The following TELO2 variants were observed in gnomAD, a reference collection of about 807,000 sequenced individuals.
The protein encoded by TELO2 is telomere maintenance 2.
Under a neutral mutation model 91.0 loss-of-function variants are expected in TELO2, and 71 were observed. The observed-to-expected ratio is 0.78, with a 90% CI of 0.64 to 0.95. TELO2 has a LOEUF of 0.95. Ranked by LOEUF, TELO2 falls within the 40% of genes least tolerant of loss-of-function variation. The pLI is 0.00. For synonymous variants in TELO2, 584 were observed against 518.9 expected (o/e 1.13, Z -1.71); for missense variants, 1,183 against 1,141.3 (o/e 1.04, Z -0.53).
chr16:1,499,232 C>G lies in TELO2; in HGVS notation c.832C>G (p.Pro278Ala), dbSNP rs148740663. ...CTGGCCCCTGACTCTGTCTTGCAGG[C>G]CTGAGGTCCTTTCGAGACTGCTGGG... Reference protein sequence around the residue: ...LTGLVEAALGPEVLSRLLGNL... With the variant: ...LTGLVEAALGAEVLSRLLGNL... Residue 278 changes from proline (P) to alanine (A), a missense_variant and splice_region_variant, in exon 6 of 21, where the codon CCT (proline) becomes GCT (alanine). Coordinates refer to ENST00000262319, the MANE Select transcript of TELO2 (RefSeq NM_016111.4). 567 of 1,613,940 alleles carry G rather than the reference C, an allele frequency of 3.5e-4. 2 individuals carry two copies. In the African/African-American group the frequency reaches 5.6e-3, roughly 16 times the overall value.
Position 1,510,267 on chromosome 16 carries a change from C to A in TELO2, c.*331C>A. 1 of 363,258 alleles carries A rather than the reference C, an allele frequency of 2.8e-6. No homozygotes were observed. Among genetic ancestry groups the A allele is most frequent in the South Asian group, 2.5e-5 (1 of 40,198 alleles). 22.5% of individuals were successfully genotyped at this position (363,258 alleles called of 1,614,324 possible). ...ACGGTGTACCTGCTGCTCAGAGCCCCCAAGGCTCTCCTCTGAGAGCCACCA... is the reference window on the plus strand; with the variant it reads ...ACGGTGTACCTGCTGCTCAGAGCCCACAAGGCTCTCCTCTGAGAGCCACCA... On this transcript the variant is annotated 3_prime_UTR_variant, in exon 21 of 21. Coordinates refer to ENST00000262319, the MANE Select transcript of TELO2 (RefSeq NM_016111.4).
intron 15 of TELO2, among the ~76,000 whole-genome samples, chr16:1,504,848 C>T (rs1317249738): frequency 6.6e-5 from 10 of 151,604 alleles, no homozygotes. Context: ...GGGTGGCGTT[C>T]GGAACATCCA....
At position 1,499,090 on chromosome 16, in the gene TELO2, G is replaced by A. The variant is rs144298314; in HGVS notation, c.831-141G>A. The A allele has an allele frequency of 1.3e-3, 986 of 778,658 alleles. 7 individuals carry two copies. The African/African-American group carries it at 0.015, about 12-fold the overall frequency. 48.2% of individuals were successfully genotyped at this position (778,658 alleles called of 1,614,324 possible). A position where few individuals can be genotyped will look rare whatever the true frequency, so the allele number is the denominator to read the frequency against. ...GGATGAAGGCCCAGCTCAGGCAGTC[G>A]GAGGATGGAACCAGAGGCTCGTGGC... On this transcript the variant is annotated intron_variant, in intron 5 of 20. Coordinates refer to ENST00000262319, the MANE Select transcript of TELO2 (RefSeq NM_016111.4).
Position 1,497,488 on chromosome 16 carries a change from G to A in TELO2, c.810G>A (p.Gly270=). Residue 270 remains glycine (G), a synonymous_variant, in exon 5 of 21, where the codon GGG becomes GGA. Transcript: ENST00000262319. The surrounding 1 kb of genome is among the most constrained non-coding windows in gnomAD (Gnocchi z 4.0). ...GGGCCATGGAGGCTGTGCTGACCGG[G>A]CTGGTGGAGGCCGCACTGGGGTAAG... The part of the protein sequence containing the change: ...PDRAMEAVLT[G]LVEAALGPEV... 1 of 1,571,676 alleles carries A rather than the reference G, an allele frequency of 6.4e-7. No homozygotes were observed. Among genetic ancestry groups the A allele is most frequent in the Non-Finnish European group, 8.6e-7 (1 of 1,161,762 alleles).
chr16:1,505,204 G>A lies in TELO2; in HGVS notation c.1843-206G>A, dbSNP rs1596267593. 1 of 580,458 alleles carries A rather than the reference G, an allele frequency of 1.7e-6. No homozygotes were observed. Among genetic ancestry groups the A allele is most frequent in the Non-Finnish European group, 3.0e-6 (1 of 332,924 alleles). The allele number at this position is 580,458 out of a possible 1,614,324, so 36.0% of individuals were successfully genotyped here. A position where few individuals can be genotyped will look rare whatever the true frequency, so the allele number is the denominator to read the frequency against. On this transcript the variant is annotated intron_variant, in intron 15 of 20. Transcript: ENST00000262319. The surrounding 1 kb of genome is among the most constrained non-coding windows in gnomAD (Gnocchi z 4.3). ...GGCGTGTTCTCATCTCCTGGAGCAC[G>A]GTGCCCACCTTCCCCACCTTCCCGC...
At position 1,495,396 on chromosome 16, in the gene TELO2, G is replaced by T; in HGVS notation, c.386G>T (p.Arg129Leu). The T allele has an allele frequency of 6.3e-7, 1 of 1,578,654 alleles. No individual in the cohort carries two copies. Among genetic ancestry groups the T allele is most frequent in the Non-Finnish European group, 8.6e-7 (1 of 1,163,256 alleles). Residue 129 changes from arginine (R) to leucine (L), a missense_variant, in exon 3 of 21, where the codon CGC becomes CTC. Transcript: ENST00000262319. ...KMARLLARFL[R>L]EGRLAVLMEA... ...GCGCGGCTGCTGGCCAGATTCCTGC[G>T]CGAGGGCCGGCTGGCAGTGCTGATG... is the stretch of plus-strand genomic sequence containing the variant.
intron 15 of TELO2, 108 bp downstream of exon 15, chr16:1,503,110 G>C (rs765919445): frequency 7.2e-6 from 9 of 1,255,034 alleles, no homozygotes; most frequent in South Asian, 3.6e-5. Flanking sequence ...GCTCGTGCAG[G>C]CCTGTCCACT....
chr16:1,506,041 T>C (rs543216836), intron 16 of TELO2, among the ~76,000 whole-genome samples, 197 bp from the exon 17 acceptor site: 1 of 152,344 alleles, frequency 6.6e-6, no homozygotes, highest in East Asian at 1.9e-4. Context: ...TGGTCTGCTG[T>C]CCAGGCATTG....
In TELO2 at chr16:1,493,531, G is replaced by T. The variant is rs1393642061; in HGVS notation, c.-111G>T. 6.6e-6 allele frequency: 1 copy of T among 152,240 alleles called. No individual in the cohort carries two copies. Among genetic ancestry groups the T allele is most frequent in the Non-Finnish European group, 1.5e-5 (1 of 68,054 alleles). 9.4% of individuals were successfully genotyped at this position (152,240 alleles called of 1,614,324 possible). A position where few individuals can be genotyped will look rare whatever the true frequency, so the allele number is the denominator to read the frequency against. On this transcript the variant is annotated 5_prime_UTR_variant, in exon 1 of 21. Coordinates refer to ENST00000262319, the MANE Select transcript of TELO2 (RefSeq NM_016111.4). This position sits in a 1 kb window ranked among gnomAD's most constrained non-coding sequence, Gnocchi z 4.3. The stretch of plus-strand genomic sequence containing the variant: ...CGTTTCGTCCGGGGCCGCGGCGGCC[G>T]TGGGGAATCGGCTGCAGCGAATCGG...
Position 1,510,220 on chromosome 16 carries a change from A to C in TELO2, c.*284A>C, listed in dbSNP as rs1001533259. The C allele has an allele frequency of 2.2e-5, 10 of 451,182 alleles. No homozygotes were observed. Among genetic ancestry groups the C allele is most frequent in the African/African-American group, 2.0e-4 (10 of 49,968 alleles). 27.9% of individuals were successfully genotyped at this position (451,182 alleles called of 1,614,324 possible). On this transcript the variant is annotated 3_prime_UTR_variant, in exon 21 of 21. Transcript: ENST00000262319. The stretch of plus-strand genomic sequence containing the variant: ...GGTTGACTCTTCCAGTGAGGGCAGA[A>C]CCAGGCTGGCAGGAGGGGAGGACGG...
At chr16:1,502,191 C>G in intron 12 of TELO2, 56 bp downstream of exon 12, 13 of 1,601,154 alleles carry the variant, frequency 8.1e-6, no homozygotes, top group Non-Finnish European at 1.1e-5. Flanking sequence ...CCGCTCACAG[C>G]CTGGTTCTGC....
chr16:1,505,474 G>A lies in TELO2; in HGVS notation c.1907G>A (p.Gly636Asp). ...PGCLGRTPQP[G>D]SPSPNTPCLP... ...TGCCTCGGGAGGACTCCCCAACCTG[G>A]CTCCCCAAGTCCCAACACCCCGTGC... The change falls in exon 16 of 21, where the codon GGC becomes GAC. Residue 636 changes from glycine to aspartate, a missense_variant. Transcript: ENST00000262319. This position sits in a 1 kb window ranked among gnomAD's most constrained non-coding sequence, Gnocchi z 4.3. 2 of 1,613,074 alleles carry A rather than the reference G, an allele frequency of 1.2e-6. No homozygotes were observed. Among genetic ancestry groups the A allele is most frequent in the Non-Finnish European group, 1.7e-6 (2 of 1,179,996 alleles).
At chr16:1,507,818 G>GTGTT in intron 20 of TELO2, 102 bp downstream of exon 20, 1 of 664,348 alleles carries the variant, frequency 1.5e-6, no homozygotes, top group Non-Finnish European at 2.1e-6. Context: ...CGGGGTGTGT[G>GTGTT]TGTGTGTGTG....
rs1332946531 is a variant in TELO2, at chr16:1,493,769, A to T, written c.-37+164A>T. Among the ~76,000 whole-genome samples the T allele has an allele frequency of 6.6e-6, 1 of 152,140 alleles. No homozygotes were observed. The highest frequency in any genetic ancestry group is 1.5e-5 in the Non-Finnish European group (1 of 68,016). ...GGGCGGGTCCGCGTGCGGCTCCTCT[A>T]GCCCCGAACCCGTGTTCCCCGTAAG... On this transcript the variant is annotated intron_variant, in intron 1 of 20. Transcript: ENST00000262319. This position sits in a 1 kb window ranked among gnomAD's most constrained non-coding sequence, Gnocchi z 4.3.
At position 1,494,958 on chromosome 16, in the gene TELO2, T is replaced by C. The variant is rs930141661; in HGVS notation, c.335+342T>C. On this transcript the variant is annotated intron_variant, in intron 2 of 20. Coordinates refer to ENST00000262319, the MANE Select transcript of TELO2 (RefSeq NM_016111.4). The surrounding 1 kb of genome is among the most constrained non-coding windows in gnomAD (Gnocchi z 5.6). ...GCTGTCATCACTGACACGTGTCCCA[T>C]GTGGACTCCCAGCCCCAGCCGGCTC... Among the ~76,000 whole-genome samples the C allele has an allele frequency of 2.0e-5, 3 of 152,180 alleles. No homozygotes were observed. Among genetic ancestry groups the C allele is most frequent in the African/African-American group, 7.2e-5 (3 of 41,450 alleles).
rs1339735736 is a variant in TELO2 at position 1,495,445 on chromosome 16, G to A, written c.435G>A (p.Thr145=). 3 of 1,604,568 alleles carry A rather than the reference G, an allele frequency of 1.9e-6. No individual in the cohort carries two copies. Among genetic ancestry groups the A allele is most frequent in the East Asian group, 2.3e-5 (1 of 44,328 alleles). ...TGGAGGCGCAGTGTCGGCAGCAGAC[G>A]CAGCCCGGCTTCATCCTGCTCCGGG... is the stretch of plus-strand genomic sequence containing the variant. ...VLMEAQCRQQ[T]QPGFILLRET... Residue 145 remains threonine, a synonymous_variant, in exon 3 of 21, where the codon ACG becomes ACA. Coordinates refer to ENST00000262319, the MANE Select transcript of TELO2 (RefSeq NM_016111.4).
Position 1,494,765 on chromosome 16 carries a change from TC to T in TELO2, c.335+150del, listed in dbSNP as rs2039418134. On this transcript the variant is annotated intron_variant, in intron 2 of 20. Coordinates refer to ENST00000262319, the MANE Select transcript of TELO2 (RefSeq NM_016111.4). The surrounding 1 kb of genome is among the most constrained non-coding windows in gnomAD (Gnocchi z 5.6). The stretch of plus-strand genomic sequence containing the variant: ...CTGAACCCCTGAACAGAAGAAGCGG[TC>T]TGTGTCTGTCTCCTTTGCGACGGGA... 2.2e-6 allele frequency: 2 copies of T among 892,138 alleles called. No individual in the cohort carries two copies. The highest frequency in any genetic ancestry group is 5.3e-5 in the East Asian group (2 of 37,532). 55.3% of individuals were successfully genotyped at this position (892,138 alleles called of 1,614,324 possible).
intron 5 of TELO2, among the ~76,000 whole-genome samples, chr16:1,498,097 C>G (rs1300859914): frequency 6.6e-6 from 1 of 151,946 alleles, no homozygotes; most frequent in South Asian, 2.1e-4. Flanking sequence ...TCACTGCAAC[C>G]TCCGTCTCCT....
chr16:1,500,236 G>A (rs572589588), intron 7 of TELO2, 72 bp downstream of exon 7: 37 of 1,534,246 alleles, frequency 2.4e-5, no homozygotes, highest in Middle Eastern at 2.3e-4. Flanking sequence ...CCTTTTGGGC[G>A]GCAGGGTGAG....
Sources: gnomAD v4.1 joint callset for allele counts (sites outside exome capture counted in the v4.1 genomes callset) on GRCh38, gnomAD v4.1.1 for gene constraint, Gnocchi (gnomAD v3.1) non-coding constraint, MANE v1.5 for transcripts, NCBI Gene and HGNC (gene_info 2026-07-23, HGNC 2026-07-21) for gene names.